WDR27: variants seen among roughly 807,000 people sequenced by gnomAD.
The protein encoded by WDR27 is WD repeat-containing protein 27.
Under a neutral mutation model 114.4 loss-of-function variants are expected in WDR27, and 100 were observed. The ratio of observed to expected loss-of-function variants is 0.87; its 90% CI spans 0.74 to 1.03. The LOEUF (loss-of-function observed/expected upper bound fraction) is 1.03, where lower values mean the gene tolerates loss of function less well. Among genes scored for constraint, WDR27 ranks in the 50% least tolerant of loss-of-function variants. The pLI is 0.00. For synonymous variants in WDR27, 449 were observed against 423.1 expected (o/e 1.06, Z -0.75); for missense variants, 1,129 against 1,092.9 (o/e 1.03, Z -0.47).
intron 17 of WDR27, among the ~76,000 whole-genome samples, chr6:169,641,163 C>T (rs113815878): frequency 9.3e-4 from 141 of 152,336 alleles, no homozygotes; most frequent in African/African-American, 3.2e-3. Flanking sequence ...GTGTCAGGGA[C>T]GGACCTCCCA....
Position 169,667,995 on chromosome 6 carries a change from T to C in WDR27, c.647A>G (p.Asp216Gly), listed in dbSNP as rs747713326. The change falls in exon 5 of 26, where the codon GAC becomes GGC. Residue 216 changes from aspartate to glycine, a missense_variant. Transcript: ENST00000448612. ...RAGTLISASEDRGFKVWDHCT... is the reference protein window; with the variant it reads ...RAGTLISASEGRGFKVWDHCT... ...TCCATCCCTCACCTTAAAGCCTCTG[T>C]CCTCAGACGCCGAGATGAGGGTGCC... The C allele has an allele frequency of 2.7e-5, 44 of 1,613,284 alleles. 1 individual carries two copies. In the Admixed American group the frequency reaches 6.7e-4, roughly 24 times the overall value.
At chr6:169,497,498 T>C (rs1298056314) in intron 25 of WDR27, among the ~76,000 whole-genome samples, 1 of 151,934 alleles carries the variant, frequency 6.6e-6, no homozygotes, top group East Asian at 1.9e-4. Context: ...GAGAAAATAT[T>C]TCCAAATCAT....
At chr6:169,678,138 C>A (rs953156533) in intron 2 of WDR27, among the ~76,000 whole-genome samples, 1 of 152,240 alleles carries the variant, frequency 6.6e-6, no homozygotes, top group South Asian at 2.1e-4. Context: ...ATCATCCAGA[C>A]CCCAGGATGG....
chr6:169,598,510 C>T (rs1418870540), intron 23 of WDR27, among the ~76,000 whole-genome samples: 2 of 152,174 alleles, frequency 1.3e-5, no homozygotes, highest in African/African-American at 4.8e-5. Flanking sequence ...TGGCCTAATC[C>T]ACCTCTTAAA....
chr6:169,660,354 G>GA (rs982621469), intron 10 of WDR27, among the ~76,000 whole-genome samples: 4 of 152,184 alleles, frequency 2.6e-5, no homozygotes, highest in Non-Finnish European at 4.4e-5. Flanking sequence ...GAATCCAGGG[G>GA]CTTCCCAAGG....
chr6:169,645,170 G>A (rs892974487), intron 16 of WDR27, among the ~76,000 whole-genome samples: 1 of 150,460 alleles, frequency 6.6e-6, no homozygotes, highest in Non-Finnish European at 1.5e-5. Flanking sequence ...TAATTCGTAG[G>A]AGTCACACTG....
intron 25 of WDR27, among the ~76,000 whole-genome samples, chr6:169,503,805 A>C (rs1479730993): frequency 6.6e-6 from 1 of 151,352 alleles, no homozygotes; most frequent in Non-Finnish European, 1.5e-5. Context: ...AACCTATATC[A>C]ATCTAGCATG....
chr6:169,692,916 C>T (rs187011804), intron 1 of WDR27, among the ~76,000 whole-genome samples: 21 of 152,286 alleles, frequency 1.4e-4, no homozygotes, highest in African/African-American at 4.3e-4. Context: ...ACCTGAGAAA[C>T]CAGAATGCCT....
intron 25 of WDR27, among the ~76,000 whole-genome samples, chr6:169,506,251 T>C (rs1284177022): frequency 2.0e-5 from 3 of 152,312 alleles, no homozygotes; most frequent in African/African-American, 4.8e-5. Flanking sequence ...CACATTCATT[T>C]GAGATTTCCA....
chr6:169,555,951 T>G (rs1798818092), intron 25 of WDR27, among the ~76,000 whole-genome samples: 1 of 152,186 alleles, frequency 6.6e-6, no homozygotes, highest in African/African-American at 2.4e-5. Flanking sequence ...TACCTTACCT[T>G]TCTCCCCACC....
At chr6:169,562,343 G>C (rs73790008) in intron 25 of WDR27, among the ~76,000 whole-genome samples, 2,466 of 152,268 alleles carry the variant, frequency 0.016, 63 homozygotes, top group African/African-American at 0.057. Flanking sequence ...AATAAGAGTT[G>C]AAGAAAGACC....
intron 25 of WDR27, among the ~76,000 whole-genome samples, chr6:169,514,833 G>C (rs1275507206): frequency 6.7e-6 from 1 of 148,974 alleles, no homozygotes; most frequent in African/African-American, 2.5e-5. Flanking sequence ...TACATTCTTA[G>C]CAAACAAGGA....
intron 23 of WDR27, among the ~76,000 whole-genome samples, chr6:169,585,993 T>C (rs1264245843): frequency 2.0e-5 from 3 of 152,208 alleles, no homozygotes; most frequent in African/African-American, 7.2e-5. Context: ...GCCTATATCA[T>C]AGAAGGATCC....
Position 169,657,999 on chromosome 6 carries a change from C to A in WDR27, c.1402+277G>T, listed in dbSNP as rs9478089. 35,735 of 311,868 alleles carry A rather than the reference C, an allele frequency of 0.11. 2,367 individuals are homozygous for A. Among genetic ancestry groups the A allele is most frequent in the African/African-American group, 0.16 (7,579 of 48,268 alleles). 19.3% of individuals were successfully genotyped at this position (311,868 alleles called of 1,614,324 possible). A position where few individuals can be genotyped will look rare whatever the true frequency, so the allele number is the denominator to read the frequency against. On this transcript the variant is annotated intron_variant, in intron 13 of 25. Coordinates refer to ENST00000448612, the MANE Select transcript of WDR27 (RefSeq NM_182552.5). ...ATTGCTGAAGGTCCACTCTGCACCC[C>A]CACTGCAACAGGCACCAGAGGAACA...
At chr6:169,488,623 CTGTT>C (rs774323173) in intron 25 of WDR27, among the ~76,000 whole-genome samples, 2 of 152,194 alleles carry the variant, frequency 1.3e-5, no homozygotes, top group Non-Finnish European at 2.9e-5. Context: ...CTTCTGCATT[CTGTT>C]TGTTTTGCAG....
intron 1 of WDR27, among the ~76,000 whole-genome samples, chr6:169,699,036 G>A (rs571145970): frequency 3.5e-4 from 54 of 152,278 alleles, no homozygotes; most frequent in African/African-American, 1.3e-3. Flanking sequence ...CAAGACTCAC[G>A]TTAGGCAGTG....
intron 24 of WDR27, among the ~76,000 whole-genome samples, chr6:169,575,091 C>T (rs2050059): frequency 0.46 from 69,372 of 151,894 alleles, 19,805 homozygotes; most frequent in Non-Finnish European, 0.65. Context: ...TGGACTCAGG[C>T]GGGAACACCA....
At chr6:169,436,834 A>G in the WDR27 span, among the ~76,000 whole-genome samples, 1 of 152,140 alleles carries the variant, frequency 6.6e-6, no homozygotes, top group Non-Finnish European at 1.5e-5. Context: ...TTGGTCAATT[A>G]ATATCATGTC....
At position 169,665,516 on chromosome 6, in the gene WDR27, C is replaced by T. The variant is rs1394806419; in HGVS notation, c.753G>A (p.Arg251=). Residue 251 remains arginine (R), a synonymous_variant, in exon 7 of 26, where the codon AGG becomes AGA. Transcript: ENST00000448612. ...CGTCAGCACACCCGGTGACCAGCTG[C>T]CTGCTTTCTGCATCAATGAATAAAC... ...LLSLFIDAES[R]QLVTGCADGQ... 2 of 1,613,652 alleles carry T rather than the reference C, an allele frequency of 1.2e-6. No homozygotes were observed. Among genetic ancestry groups the T allele is most frequent in the East Asian group, 2.2e-5 (1 of 44,894 alleles).
Sources: allele counts gnomAD v4.1 joint callset (sites outside exome capture counted in the v4.1 genomes callset), GRCh38; gene constraint gnomAD v4.1.1; transcripts MANE v1.5; gene names NCBI Gene and HGNC (gene_info 2026-07-23, HGNC 2026-07-21).